Variants in SLX4IP observed in about 807,000 individuals in gnomAD.
SLX4IP encodes protein SLX4IP.
Under a neutral mutation model 32.9 loss-of-function variants are expected in SLX4IP, and 34 were observed. The observed-to-expected ratio is 1.03, with a 90% CI of 0.79 to 1.38. The LOEUF is 1.38. SLX4IP is among the 40% of genes most tolerant of loss of function. The probability of loss-of-function intolerance (pLI) is 0.00; values close to 1 mark genes in which losing one functional copy is unlikely to be tolerated. For synonymous variants in SLX4IP, 172 were observed against 171.7 expected (o/e 1.00, Z -0.01); for missense variants, 444 against 479.0 (o/e 0.93, Z 0.68).
intron 5 of SLX4IP, among the ~76,000 whole-genome samples, chr20:10,600,890 C>T (rs990021064): frequency 2.6e-5 from 4 of 152,170 alleles, no homozygotes; most frequent in Non-Finnish European, 5.9e-5. Context: ...CCTCCCCACC[C>T]GCCTGGAACA....
At chr20:10,530,051 A>G (rs1342196264) in intron 2 of SLX4IP, among the ~76,000 whole-genome samples, 1 of 152,186 alleles carries the variant, frequency 6.6e-6, no homozygotes, top group Non-Finnish European at 1.5e-5. Flanking sequence ...GGTGGTTCCC[A>G]AAAGTTTTGG....
intron 2 of SLX4IP, among the ~76,000 whole-genome samples, chr20:10,534,763 G>T (rs368439725): frequency 3.3e-5 from 5 of 152,228 alleles, no homozygotes; most frequent in African/African-American, 1.2e-4. Context: ...GGAGAAGCTG[G>T]CAGGGGCCAG....
intron 7 of SLX4IP, among the ~76,000 whole-genome samples, chr20:10,621,887 T>A (rs1202443192): frequency 6.6e-6 from 1 of 152,208 alleles, no homozygotes; most frequent in African/African-American, 2.4e-5. Flanking sequence ...TTCTTGCCAT[T>A]CACAAACCTG....
chr20:10,510,844 T>C (rs1395098302), intron 2 of SLX4IP, among the ~76,000 whole-genome samples: 1 of 152,202 alleles, frequency 6.6e-6, no homozygotes, highest in Non-Finnish European at 1.5e-5. Context: ...GACCTCATGA[T>C]CCACCTACCT....
In SLX4IP at chr20:10,623,738, G is replaced by A. The variant is rs563000082; in HGVS notation, c.*359G>A. On this transcript the variant is annotated 3_prime_UTR_variant, in exon 8 of 8. Coordinates refer to ENST00000334534, the MANE Select transcript of SLX4IP (RefSeq NM_001009608.3). ...CACTGTGCAGACCACACAATGGACC[G>A]TGCAAAGACAGTGCTGCCGTGCTGC... 266 of 213,656 alleles carry A rather than the reference G, an allele frequency of 1.2e-3. 1 individual carries two copies. Among genetic ancestry groups the A allele is most frequent in the Non-Finnish European group, 1.8e-3 (189 of 106,034 alleles). 13.2% of individuals were successfully genotyped at this position (213,656 alleles called of 1,614,324 possible).
chr20:10,491,559 T>G (rs2065624288), intron 2 of SLX4IP, among the ~76,000 whole-genome samples: 1 of 152,216 alleles, frequency 6.6e-6, no homozygotes, highest in African/African-American at 2.4e-5. Context: ...GCAATTATGC[T>G]TATCACTTTT....
intron 4 of SLX4IP, among the ~76,000 whole-genome samples, chr20:10,579,454 G>C (rs922005523): frequency 1.3e-5 from 2 of 150,748 alleles, no homozygotes; most frequent in African/African-American, 2.5e-5. Context: ...TTCAGACAGA[G>C]TCTCTCTCTG....
chr20:10,588,231 A>G (rs1410522599), intron 4 of SLX4IP, among the ~76,000 whole-genome samples: 1 of 152,224 alleles, frequency 6.6e-6, no homozygotes, highest in Non-Finnish European at 1.5e-5. Context: ...AAGAAAACAT[A>G]TAATTGTAAA....
chr20:10,616,752 T>C (rs980844375), intron 6 of SLX4IP, among the ~76,000 whole-genome samples: 4 of 152,220 alleles, frequency 2.6e-5, no homozygotes, highest in African/African-American at 9.6e-5. Context: ...CAGCCTTTCC[T>C]GACCACCATA....
intron 2 of SLX4IP, among the ~76,000 whole-genome samples, chr20:10,524,417 C>A (rs1014426021): frequency 2.6e-5 from 4 of 151,966 alleles, no homozygotes; most frequent in African/African-American, 9.7e-5. Flanking sequence ...TCCACGTTGC[C>A]GAGAAACATG....
At chr20:10,578,533 C>T (rs1255745162) in intron 4 of SLX4IP, among the ~76,000 whole-genome samples, 2 of 152,214 alleles carry the variant, frequency 1.3e-5, no homozygotes, top group Non-Finnish European at 2.9e-5. Flanking sequence ...AATAATGCTA[C>T]TATGGGTATT....
At chr20:10,509,614 A>G (rs1440873031) in intron 2 of SLX4IP, among the ~76,000 whole-genome samples, 1 of 152,234 alleles carries the variant, frequency 6.6e-6, no homozygotes, top group African/African-American at 2.4e-5. Context: ...ACGAAGATCC[A>G]TCCAGAAAGA....
chr20:10,549,676 G>C (rs901347510), intron 2 of SLX4IP, among the ~76,000 whole-genome samples: 23 of 152,184 alleles, frequency 1.5e-4, no homozygotes, highest in Non-Finnish European at 2.8e-4. Flanking sequence ...TTTGATTCCT[G>C]GGTCTGGCAC....
chr20:10,476,112 G>C (rs147183730), intron 2 of SLX4IP, among the ~76,000 whole-genome samples: 141 of 150,860 alleles, frequency 9.3e-4, no homozygotes, highest in African/African-American at 3.2e-3. Context: ...TGTGCATTTT[G>C]AAGTGTTTTA....
At chr20:10,603,656 T>C (rs758080576) in intron 6 of SLX4IP, among the ~76,000 whole-genome samples, 1 of 152,130 alleles carries the variant, frequency 6.6e-6, no homozygotes, top group African/African-American at 2.4e-5. Context: ...ACATATACAT[T>C]TTCCCAGCCA....
intron 4 of SLX4IP, among the ~76,000 whole-genome samples, chr20:10,565,135 T>A (rs936436304): frequency 5.9e-5 from 9 of 152,132 alleles, no homozygotes; most frequent in African/African-American, 2.2e-4. Context: ...TCTTAATTCA[T>A]CCACACCTCT....
intron 1 of SLX4IP, among the ~76,000 whole-genome samples, chr20:10,437,879 A>G (rs1165079230): frequency 6.6e-6 from 1 of 152,206 alleles, no homozygotes; most frequent in African/African-American, 2.4e-5. Flanking sequence ...CTGGGTTCAA[A>G]TTCTAGCTCC....
At chr20:10,578,055 TC>T (rs1555818194) in intron 4 of SLX4IP, among the ~76,000 whole-genome samples, 1 of 152,182 alleles carries the variant, frequency 6.6e-6, no homozygotes, top group Non-Finnish European at 1.5e-5. Flanking sequence ...GAAGAATACT[TC>T]TCATTTTTTT....
At chr20:10,560,907 C>T (rs2122502547) in intron 4 of SLX4IP, 87 bp downstream of exon 4, 1 of 1,284,728 alleles carries the variant, frequency 7.8e-7, no homozygotes. Flanking sequence ...CTCTGACTGT[C>T]ATGTTAGTAT....
Sources: allele counts gnomAD v4.1 joint callset (sites outside exome capture counted in the v4.1 genomes callset), GRCh38; gene constraint gnomAD v4.1.1; transcripts MANE v1.5; gene names NCBI Gene and HGNC (gene_info 2026-07-23, HGNC 2026-07-21).